MDGA2: variants seen among roughly 807,000 people sequenced by gnomAD.
MDGA2 encodes MAM domain containing glycosylphosphatidylinositol anchor 2.
MDGA2 carries 40 observed loss-of-function variants against 117.8 expected under a neutral mutation model. That is an observed-to-expected ratio of 0.34 (90% CI 0.26 to 0.44). The LOEUF is 0.44. MDGA2 is among the 20% of genes least tolerant of loss of function. MDGA2 has a pLI of 1.00. For missense variants in MDGA2, 1,123 were observed against 1,250.6 expected, an observed-to-expected ratio of 0.90 and a Z score of 1.54; for synonymous variants, 452 against 439.0, an observed-to-expected ratio of 1.03 and a Z score of -0.37.
chr14:47,473,682 AG>A (rs1893776038), intron 1 of MDGA2, among the ~76,000 whole-genome samples: 1 of 152,188 alleles, frequency 6.6e-6, no homozygotes, highest in Admixed American at 6.6e-5. Context: ...CAATAAAAAA[AG>A]AATAAGATTA....
At chr14:47,464,398 A>C (rs965511173) in intron 1 of MDGA2, among the ~76,000 whole-genome samples, 2 of 152,118 alleles carry the variant, frequency 1.3e-5, no homozygotes, top group African/African-American at 4.8e-5. Context: ...GAGTCAAACT[A>C]TCTCTCTTTG....
Position 47,674,813 on chromosome 14 carries a change from ACACACT to A in MDGA2, c.-23_-18del, listed in dbSNP as rs1898149663. On this transcript the variant is annotated 5_prime_UTR_variant, in exon 1 of 17. Transcript: ENST00000399232. ...CACACTCATGCACACACACACTCAC[ACACACT>A]CACACACTCTCCCACAACACAATAC... The A allele has an allele frequency of 7.7e-6, 5 of 645,642 alleles. No homozygotes were observed. The highest frequency in any genetic ancestry group is 1.4e-5 in the Non-Finnish European group (5 of 362,196). The allele number at this position is 645,642 out of a possible 1,614,324, so 40.0% of individuals were successfully genotyped here.
chr14:47,464,357 GAAAT>G (rs1291774481), intron 1 of MDGA2, among the ~76,000 whole-genome samples: 13 of 152,174 alleles, frequency 8.5e-5, no homozygotes, highest in African/African-American at 3.1e-4. Context: ...ACAAGAGAAA[GAAAT>G]AAAGGATATC....
intron 1 of MDGA2, among the ~76,000 whole-genome samples, chr14:47,346,937 A>G (rs1327525498): frequency 6.6e-6 from 1 of 152,202 alleles, no homozygotes. Context: ...TCTTTTTAAG[A>G]AAGGCTGAAA....
At chr14:47,049,297 G>A (rs1285451031) in intron 7 of MDGA2, among the ~76,000 whole-genome samples, 5 of 151,902 alleles carry the variant, frequency 3.3e-5, no homozygotes, top group African/African-American at 7.2e-5. Flanking sequence ...AGATGGAGGT[G>A]GGGGAAGGTA....
chr14:47,490,862 G>A (rs915274766), intron 1 of MDGA2, among the ~76,000 whole-genome samples: 4 of 152,000 alleles, frequency 2.6e-5, no homozygotes, highest in South Asian at 2.1e-4. Context: ...ACCTTCTTAC[G>A]GGAATCAGTT....
intron 9 of MDGA2, among the ~76,000 whole-genome samples, chr14:46,952,252 T>C (rs542294497): frequency 1.5e-3 from 222 of 151,904 alleles, no homozygotes; most frequent in African/African-American, 5.1e-3. Context: ...AAAAAAAAAG[T>C]GTCTAAAATT....
chr14:47,362,071 T>C (rs1471384696), intron 1 of MDGA2, among the ~76,000 whole-genome samples: 1 of 152,160 alleles, frequency 6.6e-6, no homozygotes, highest in African/African-American at 2.4e-5. Context: ...TATATCACTC[T>C]TCCATTTGAT....
intron 1 of MDGA2, among the ~76,000 whole-genome samples, chr14:47,351,363 T>C (rs992662091): frequency 6.6e-6 from 1 of 152,152 alleles, no homozygotes. Flanking sequence ...ATTACAGGCA[T>C]GAGCCACCGC....
chr14:47,328,129 T>G (rs1209631568), intron 1 of MDGA2, among the ~76,000 whole-genome samples: 1 of 152,162 alleles, frequency 6.6e-6, no homozygotes, highest in Non-Finnish European at 1.5e-5. Context: ...TTCTTCATGA[T>G]CAAAAGATTG....
intron 5 of MDGA2, among the ~76,000 whole-genome samples, chr14:47,123,192 A>C (rs577280002): frequency 6.6e-5 from 10 of 152,146 alleles, no homozygotes; most frequent in African/African-American, 2.4e-4. Context: ...TATGGGGTAT[A>C]TTTATGTTAA....
At chr14:47,014,715 A>G (rs1478196807) in intron 8 of MDGA2, among the ~76,000 whole-genome samples, 2 of 152,180 alleles carry the variant, frequency 1.3e-5, no homozygotes, top group Non-Finnish European at 2.9e-5. Context: ...GTTCTCAAGT[A>G]AGCTTTGGTT....
intron 1 of MDGA2, among the ~76,000 whole-genome samples, chr14:47,348,087 G>A (rs993439200): frequency 1.3e-5 from 2 of 151,998 alleles, no homozygotes; most frequent in African/African-American, 4.8e-5. Flanking sequence ...AAGTTTAGCT[G>A]CAGTAGCTGG....
intron 8 of MDGA2, among the ~76,000 whole-genome samples, chr14:47,005,674 A>C (rs68035155): frequency 0.22 from 33,382 of 151,258 alleles, 3,902 homozygotes; most frequent in Non-Finnish European, 0.25. Context: ...TTCTGAAAAA[A>C]TGTGTATAAT....
chr14:47,533,016 C>T (rs1239022009), intron 1 of MDGA2, among the ~76,000 whole-genome samples: 5 of 152,180 alleles, frequency 3.3e-5, no homozygotes, highest in Non-Finnish European at 5.9e-5. Flanking sequence ...ATTACAGCTC[C>T]GTTGAAGTCA....
chr14:47,049,810 C>T (rs988095993), intron 7 of MDGA2, among the ~76,000 whole-genome samples: 5 of 152,016 alleles, frequency 3.3e-5, no homozygotes, highest in African/African-American at 1.2e-4. Flanking sequence ...GCTGACAGAA[C>T]ACCTATAAAA....
At chr14:46,990,938 A>G (rs1249344942) in intron 8 of MDGA2, among the ~76,000 whole-genome samples, 1 of 151,754 alleles carries the variant, frequency 6.6e-6, no homozygotes, top group East Asian at 1.9e-4. Flanking sequence ...CAGAAGCAAG[A>G]GATCATTGAT....
At chr14:47,468,047 T>C (rs1893640041) in intron 1 of MDGA2, among the ~76,000 whole-genome samples, 1 of 152,114 alleles carries the variant, frequency 6.6e-6, no homozygotes, top group Non-Finnish European at 1.5e-5. Context: ...AGTGACACAT[T>C]GACAGTGATG....
chr14:47,282,138 A>G (rs1386086018), intron 2 of MDGA2, among the ~76,000 whole-genome samples: 1 of 151,562 alleles, frequency 6.6e-6, no homozygotes. Flanking sequence ...AAAATGCTAG[A>G]CTCTTTATTA....
Sources: allele counts gnomAD v4.1 joint callset (sites outside exome capture counted in the v4.1 genomes callset), GRCh38; gene constraint gnomAD v4.1.1; transcripts MANE v1.5; gene names NCBI Gene and HGNC (gene_info 2026-07-23, HGNC 2026-07-21).